The following YAP1 variants were observed in gnomAD, a reference collection of about 807,000 sequenced individuals.
YAP1 encodes the protein transcriptional coactivator YAP1.
YAP1 carries 5 observed loss-of-function variants against 56.9 expected under a neutral mutation model. The ratio of observed to expected loss-of-function variants is 0.09; its 90% CI spans 0.05 to 0.18. The LOEUF (loss-of-function observed/expected upper bound fraction) is 0.18, where lower values mean the gene tolerates loss of function less well. YAP1 is among the 10% of genes least tolerant of loss of function. The pLI, the probability that YAP1 is intolerant of heterozygous loss-of-function variation, is 1.00. For synonymous variants in YAP1, 265 were observed against 248.1 expected, an observed-to-expected ratio of 1.07 and a Z score of -0.64; for missense variants, 539 against 651.8, an observed-to-expected ratio of 0.83 and a Z score of 1.88.
intron 1 of YAP1, among the ~76,000 whole-genome samples, chr11:102,113,762 C>T (rs1233945220): frequency 6.6e-6 from 1 of 151,988 alleles, no homozygotes; most frequent in Admixed American, 6.6e-5. Context: ...TGTGTTTATA[C>T]TTAGAACATT....
At chr11:102,111,407 C>T (rs967916398) in intron 1 of YAP1, among the ~76,000 whole-genome samples, 44 of 150,120 alleles carry the variant, frequency 2.9e-4, no homozygotes, top group Non-Finnish European at 5.8e-4. Flanking sequence ...TTTCTCTCTG[C>T]GGTTGCAGCC....
chr11:102,172,925 GT>G (rs1260848515), intron 3 of YAP1, among the ~76,000 whole-genome samples: 1 of 152,176 alleles, frequency 6.6e-6, no homozygotes, highest in African/African-American at 2.4e-5. Flanking sequence ...CCTGAGACAT[GT>G]TTGGGGAACA....
At chr11:102,167,598 G>A (rs1356208560) in intron 3 of YAP1, among the ~76,000 whole-genome samples, 1 of 152,278 alleles carries the variant, frequency 6.6e-6, no homozygotes, top group East Asian at 1.9e-4. Flanking sequence ...CTGAGCATTG[G>A]TGGTGCACGC....
intron 2 of YAP1, among the ~76,000 whole-genome samples, chr11:102,161,344 CT>C (rs1946272135): frequency 1.0e-5 from 1 of 97,044 alleles, no homozygotes; most frequent in Admixed American, 1.1e-4. Flanking sequence ...TGTACTTTCA[CT>C]ACACACACAC....
At chr11:102,131,682 G>C (rs1346091498) in intron 2 of YAP1, among the ~76,000 whole-genome samples, 1 of 152,090 alleles carries the variant, frequency 6.6e-6, no homozygotes, top group African/African-American at 2.4e-5. Flanking sequence ...TCCCACAATG[G>C]CTGATAAATT....
At chr11:102,111,598 C>A (rs578029110) in intron 1 of YAP1, among the ~76,000 whole-genome samples, 2 of 139,094 alleles carry the variant, frequency 1.4e-5, no homozygotes, top group African/African-American at 5.5e-5. Flanking sequence ...CCCGCCGGGC[C>A]GGGCTGGGAA....
At chr11:102,141,518 T>C (rs996506015) in intron 2 of YAP1, among the ~76,000 whole-genome samples, 13 of 152,214 alleles carry the variant, frequency 8.5e-5, no homozygotes, top group South Asian at 4.1e-4. Context: ...CTAAGTAATG[T>C]AGCTTAGGAA....
chr11:102,119,167 TGGGTG>T (rs2135147801), intron 2 of YAP1, among the ~76,000 whole-genome samples: 1 of 151,846 alleles, frequency 6.6e-6, no homozygotes, highest in East Asian at 1.9e-4. Flanking sequence ...TTCTGCTCAG[TGGGTG>T]GGCATCCCAG....
At chr11:102,208,146 C>A (rs1013127482) in intron 5 of YAP1, among the ~76,000 whole-genome samples, 1 of 152,174 alleles carries the variant, frequency 6.6e-6, no homozygotes, top group Admixed American at 6.6e-5. Context: ...GTTCTCAGAT[C>A]CCATTCAGTT....
intron 2 of YAP1, among the ~76,000 whole-genome samples, chr11:102,136,384 A>G (rs544494305): frequency 6.7e-6 from 1 of 149,738 alleles, no homozygotes; most frequent in South Asian, 2.1e-4. Context: ...TCCGTCGCCT[A>G]GGCTGGAGTG....
chr11:102,201,335 T>G (rs146760180), intron 4 of YAP1, among the ~76,000 whole-genome samples: 2,723 of 152,310 alleles, frequency 0.018, 33 homozygotes, highest in Non-Finnish European at 0.028. Context: ...GGATGTGTGA[T>G]GTGTATGTGT....
intron 6 of YAP1, among the ~76,000 whole-genome samples, chr11:102,215,235 C>T (rs1046454572): frequency 7.9e-5 from 12 of 152,256 alleles, no homozygotes; most frequent in African/African-American, 2.4e-4. Flanking sequence ...CTAAGGCAAA[C>T]TACTTACAAG....
At chr11:102,219,728 T>C (rs892351500) in intron 6 of YAP1, among the ~76,000 whole-genome samples, 1 of 151,792 alleles carries the variant, frequency 6.6e-6, no homozygotes, top group Non-Finnish European at 1.5e-5. Flanking sequence ...AAATCAAAGA[T>C]TATACCTGAT....
chr11:102,216,916 C>T lies in YAP1; in HGVS notation c.1033-6706C>T, dbSNP rs1591448012. On this transcript the variant is annotated intron_variant, in intron 6 of 8. Transcript: ENST00000282441. Reference sequence around the variant, plus strand: ...TTCTAACTGAAGCAAGTATTTTTAGCCATTTTCTTCTGTAATAATACAAAA... The same window carrying T: ...TTCTAACTGAAGCAAGTATTTTTAGTCATTTTCTTCTGTAATAATACAAAA... 2.0e-5 allele frequency among the ~76,000 whole-genome samples: 3 copies of T among 152,106 alleles called. No individual in the cohort carries two copies. In the South Asian group the frequency reaches 6.2e-4, roughly 31 times the overall value.
At chr11:102,227,997 C>T (rs1364944651) in intron 8 of YAP1, among the ~76,000 whole-genome samples, 1 of 150,042 alleles carries the variant, frequency 6.7e-6, no homozygotes, top group Non-Finnish European at 1.5e-5. Flanking sequence ...GATTGAGCCC[C>T]GGTGATCACA....
At chr11:102,197,440 T>C (rs930613455) in intron 4 of YAP1, among the ~76,000 whole-genome samples, 4 of 152,220 alleles carry the variant, frequency 2.6e-5, no homozygotes, top group African/African-American at 7.2e-5. Context: ...TTACAAATCA[T>C]GTAAATTTTT....
intron 4 of YAP1, among the ~76,000 whole-genome samples, chr11:102,196,212 C>T (rs564977005): frequency 9.2e-5 from 14 of 151,940 alleles, no homozygotes; most frequent in Non-Finnish European, 1.3e-4. Context: ...GAATTGGGAA[C>T]GTATGTCTCC....
In YAP1 at chr11:102,214,045, C is replaced by A. The variant is rs570369353; in HGVS notation, c.1032+4481C>A. On this transcript the variant is annotated intron_variant, in intron 6 of 8. Coordinates refer to ENST00000282441, the MANE Select transcript of YAP1 (RefSeq NM_001130145.3). ...TGAGCTGAGATCATGCCACTACACT[C>A]CAGCCTGGGTGACAGAGTGAGACTC... 2.5e-3 allele frequency among the ~76,000 whole-genome samples: 384 copies of A among 152,260 alleles called. 2 individuals are homozygous for A. The highest frequency in any genetic ancestry group is 5.8e-3 in the South Asian group (28 of 4,820).
At chr11:102,168,693 A>G (rs1946736457) in intron 3 of YAP1, among the ~76,000 whole-genome samples, 3 of 152,168 alleles carry the variant, frequency 2.0e-5, no homozygotes, top group South Asian at 2.1e-4. Context: ...GTGGGGAAAA[A>G]TGTTCAGAAG....
Sources: gnomAD v4.1 joint callset for allele counts (sites outside exome capture counted in the v4.1 genomes callset) on GRCh38, gnomAD v4.1.1 for gene constraint, MANE v1.5 for transcripts, NCBI Gene and HGNC (gene_info 2026-07-23, HGNC 2026-07-21) for gene names.